The following SLC9A1 variants were observed in gnomAD, a reference collection of about 807,000 sequenced individuals.
The protein encoded by SLC9A1 is solute carrier family 9 member A1.
A neutral mutation model predicts 67.9 loss-of-function variants in SLC9A1; 22 were observed. That is an observed-to-expected ratio of 0.32 (90% confidence interval 0.23 to 0.46). The LOEUF is 0.46. Ranked by LOEUF, SLC9A1 falls within the 20% of genes least tolerant of loss-of-function variation. The pLI is 1.00. For missense variants in SLC9A1, 686 were observed against 1,094.8 expected (o/e 0.63, Z 5.27); for synonymous variants, 421 against 471.8 (o/e 0.89, Z 1.40).
At chr1:27,108,623 C>T (rs946299409) in intron 3 of SLC9A1, among the ~76,000 whole-genome samples, 11 of 152,066 alleles carry the variant, frequency 7.2e-5, no homozygotes, top group African/African-American at 9.7e-5. Flanking sequence ...GAGCTGAGAT[C>T]GTGCCACTGC....
At chr1:27,152,821 C>A (rs138783984) in intron 1 of SLC9A1, among the ~76,000 whole-genome samples, 3 of 152,300 alleles carry the variant, frequency 2.0e-5, no homozygotes, top group African/African-American at 7.2e-5. Flanking sequence ...CCGGCAGCAC[C>A]GCTCAGCTCC....
chr1:27,124,591 C>T (rs1160800950), intron 1 of SLC9A1, among the ~76,000 whole-genome samples: 3 of 152,188 alleles, frequency 2.0e-5, no homozygotes, highest in African/African-American at 4.8e-5. Flanking sequence ...TGCGGGGGAC[C>T]GCAAAGGAAG....
At chr1:27,121,709 C>T (rs548635703) in intron 1 of SLC9A1, among the ~76,000 whole-genome samples, 101 of 152,288 alleles carry the variant, frequency 6.6e-4, no homozygotes, top group African/African-American at 2.3e-3. Flanking sequence ...CTTCCTTTCT[C>T]CTCTCACCTG....
chr1:27,101,561 G>A lies in SLC9A1; in HGVS notation c.2037+164C>T, dbSNP rs1380645526. On this transcript the variant is annotated intron_variant, in intron 10 of 11. Coordinates refer to ENST00000263980, the MANE Select transcript of SLC9A1 (RefSeq NM_003047.5). This position sits in a 1 kb window ranked among gnomAD's most constrained non-coding sequence, Gnocchi z 4.9. ...CCCAGGCCATGCCCCACAACCCCAC[G>A]CCAATCCCTTGCTTAGAACTCATGG... 1.3e-5 allele frequency among the ~76,000 whole-genome samples: 2 copies of A among 152,066 alleles called. No individual in the cohort carries two copies. The highest frequency in any genetic ancestry group is 6.6e-5 in the Admixed American group (1 of 15,266).
intron 1 of SLC9A1, among the ~76,000 whole-genome samples, chr1:27,124,930 G>A (rs1359811161): frequency 1.3e-5 from 2 of 152,110 alleles, no homozygotes; most frequent in African/African-American, 4.8e-5. Context: ...TGTGCATGGG[G>A]TGGACTGCAG....
rs993278864 is a variant in SLC9A1 at position 27,100,716 on chromosome 1, G to A, written c.2111-72C>T. On this transcript the variant is annotated intron_variant, in intron 11 of 11. Transcript: ENST00000263980. This position sits in a 1 kb window ranked among gnomAD's most constrained non-coding sequence, Gnocchi z 5.6. ...GGCCCAGCACGTGCCACTCGGCCGC[G>A]TCAGTGCCTCCTTCAGGCCTTCTCA... 39 of 1,266,000 alleles carry A rather than the reference G, an allele frequency of 3.1e-5. No individual in the cohort carries two copies. Among genetic ancestry groups the A allele is most frequent in the Non-Finnish European group, 4.2e-5 (38 of 904,060 alleles). The allele number at this position is 1,266,000 out of a possible 1,614,324, so 78.4% of individuals were successfully genotyped here.
chr1:27,122,801 G>A (rs868848099), intron 1 of SLC9A1, among the ~76,000 whole-genome samples: 1 of 152,200 alleles, frequency 6.6e-6, no homozygotes. Flanking sequence ...CCCCCTGCAG[G>A]AAAGGCACTG....
At chr1:27,136,490 G>T (rs1292127329) in intron 1 of SLC9A1, among the ~76,000 whole-genome samples, 1 of 152,080 alleles carries the variant, frequency 6.6e-6, no homozygotes, top group Non-Finnish European at 1.5e-5. Flanking sequence ...GTCAGACCCT[G>T]CCAGTCACCC....
rs1198567085 is a variant in SLC9A1 at position 27,100,823 on chromosome 1, T to C, written c.2111-179A>G. On this transcript the variant is annotated intron_variant, in intron 11 of 11. Coordinates refer to ENST00000263980, the MANE Select transcript of SLC9A1 (RefSeq NM_003047.5). The surrounding 1 kb of genome is among the most constrained non-coding windows in gnomAD (Gnocchi z 5.6). ...ACCCCACAGCTTCTCTTCCTCAGACTGTGGCCCTCTCCTTTGACAGGGGCT... is the reference window on the plus strand; with the variant it reads ...ACCCCACAGCTTCTCTTCCTCAGACCGTGGCCCTCTCCTTTGACAGGGGCT... Among the ~76,000 whole-genome samples the C allele has an allele frequency of 2.0e-5, 3 of 152,244 alleles. No homozygotes were observed. Among genetic ancestry groups the C allele is most frequent in the Admixed American group, 2.0e-4 (3 of 15,288 alleles).
intron 1 of SLC9A1, among the ~76,000 whole-genome samples, chr1:27,123,737 C>G (rs2124172255): frequency 1.3e-5 from 2 of 152,234 alleles, no homozygotes; most frequent in African/African-American, 4.8e-5. Flanking sequence ...TCTTGGACTC[C>G]TGACCTCAGC....
chr1:27,141,236 G>C (rs2083451440), intron 1 of SLC9A1, among the ~76,000 whole-genome samples: 1 of 152,126 alleles, frequency 6.6e-6, no homozygotes, highest in South Asian at 2.1e-4. Flanking sequence ...TTTTAAAACA[G>C]GATAAGTGAC....
In SLC9A1 at chr1:27,100,691, G is replaced by C. The variant is rs548100387; in HGVS notation, c.2111-47C>G. The C allele has an allele frequency of 2.7e-6, 4 of 1,484,200 alleles. No homozygotes were observed. Among genetic ancestry groups the C allele is most frequent in the Non-Finnish European group, 3.7e-6 (4 of 1,090,122 alleles). 91.9% of individuals were successfully genotyped at this position (1,484,200 alleles called of 1,614,324 possible). ...CAAGCTGGGTTCCGCTCTGGAGCCC[G>C]GCCCAGCACGTGCCACTCGGCCGCG... On this transcript the variant is annotated intron_variant, in intron 11 of 11. Coordinates refer to ENST00000263980, the MANE Select transcript of SLC9A1 (RefSeq NM_003047.5). This position sits in a 1 kb window ranked among gnomAD's most constrained non-coding sequence, Gnocchi z 5.6.
chr1:27,140,946 G>A (rs1172587358), intron 1 of SLC9A1, among the ~76,000 whole-genome samples: 1 of 152,096 alleles, frequency 6.6e-6, no homozygotes, highest in Non-Finnish European at 1.5e-5. Flanking sequence ...GGCAGCTCAC[G>A]CCTGTAATCC....
chr1:27,151,898 T>G (rs1443736635), intron 1 of SLC9A1, among the ~76,000 whole-genome samples: 1 of 152,200 alleles, frequency 6.6e-6, no homozygotes, highest in East Asian at 1.9e-4. Context: ...AACAGACTTT[T>G]GGAAAGGAGA....
chr1:27,111,199 C>T lies in SLC9A1; in HGVS notation c.814-1422G>A, dbSNP rs144961830. Among the ~76,000 whole-genome samples, 566 of 152,212 alleles carry T rather than the reference C, an allele frequency of 3.7e-3. 3 individuals are homozygous for T. The highest frequency in any genetic ancestry group is 0.011 in the African/African-American group (451 of 41,534). ...GCCTCTTAGCAGGTGCGTACTCAGC[C>T]GTGGGCTAAACTCATTCCTGGCCTG... is the stretch of plus-strand genomic sequence containing the variant. On this transcript the variant is annotated intron_variant, in intron 2 of 11. Coordinates refer to ENST00000263980, the MANE Select transcript of SLC9A1 (RefSeq NM_003047.5).
At chr1:27,148,778 TCCCAA>T (rs1049790656) in intron 1 of SLC9A1, among the ~76,000 whole-genome samples, 125 of 152,256 alleles carry the variant, frequency 8.2e-4, no homozygotes, top group Middle Eastern at 3.4e-3. Context: ...TGCCACCTGC[TCCCAA>T]CAGAGGCTGC....
At chr1:27,149,605 A>T (rs1294847706) in intron 1 of SLC9A1, among the ~76,000 whole-genome samples, 1 of 152,122 alleles carries the variant, frequency 6.6e-6, no homozygotes, top group Non-Finnish European at 1.5e-5. Context: ...AGACCTCCCA[A>T]AAGGGGAAGA....
Position 27,101,629 on chromosome 1 carries a change from A to G in SLC9A1, c.2037+96T>C. On this transcript the variant is annotated intron_variant, in intron 10 of 11. Transcript: ENST00000263980. The surrounding 1 kb of genome is among the most constrained non-coding windows in gnomAD (Gnocchi z 4.9). ...CTGCTAAAAGCCCCTCGAAAGCCAAACCCTGTTCCTAGAATGGGTACATTT... is the reference window on the plus strand; with the variant it reads ...CTGCTAAAAGCCCCTCGAAAGCCAAGCCCTGTTCCTAGAATGGGTACATTT... 1.1e-6 allele frequency: 1 copy of G among 908,628 alleles called. No homozygotes were observed. Among genetic ancestry groups the G allele is most frequent in the South Asian group, 1.5e-5 (1 of 68,786 alleles). The allele number at this position is 908,628 out of a possible 1,614,324, so 56.3% of individuals were successfully genotyped here.
chr1:27,129,776 T>G (rs2083372653), intron 1 of SLC9A1, among the ~76,000 whole-genome samples: 1 of 152,040 alleles, frequency 6.6e-6, no homozygotes. Context: ...CCCATTCCAC[T>G]CCCACTTCTT....
Sources: allele counts gnomAD v4.1 joint callset (sites outside exome capture counted in the v4.1 genomes callset), GRCh38; gene constraint gnomAD v4.1.1; non-coding constraint Gnocchi (gnomAD v3.1); transcripts MANE v1.5; gene names NCBI Gene and HGNC (gene_info 2026-07-23, HGNC 2026-07-21).